Variants in NCKAP1L observed in about 807,000 individuals in gnomAD.
NCKAP1L encodes the protein nck-associated protein 1-like.
In NCKAP1L, 53 loss-of-function variants were observed where a neutral mutation model predicts 139.2. That is an observed-to-expected ratio of 0.38 (90% CI 0.31 to 0.48). NCKAP1L has a LOEUF of 0.48. NCKAP1L is among the 20% of genes least tolerant of loss of function. The pLI, the probability that NCKAP1L is intolerant of heterozygous loss-of-function variation, is 0.98. For missense variants in NCKAP1L, 1,151 were observed against 1,381.9 expected, an observed-to-expected ratio of 0.83 and a Z score of 2.65; for synonymous variants, 468 against 499.7, an observed-to-expected ratio of 0.94 and a Z score of 0.85.
rs1332991962 is a variant in NCKAP1L at position 54,511,809 on chromosome 12, T to C, written c.742T>C (p.Cys248Arg). ...TTTGCTTCTCTTCTCACAGATGGCC[T>C]GTGAGTATCTGTCTGTGGAAGTAAT... ...INPANSDTMA[C>R]EYLSVEVMER... Residue 248 changes from cysteine to arginine, a missense_variant, in exon 8 of 31, where the codon TGT becomes CGT. Cys to Arg is a radical substitution (Grantham distance 180, BLOSUM62 -3). Transcript: ENST00000293373. 3.1e-6 allele frequency: 5 copies of C among 1,614,146 alleles called. No individual in the cohort carries two copies. Among genetic ancestry groups the C allele is most frequent in the Non-Finnish European group, 4.2e-6 (5 of 1,179,990 alleles).
rs137902294 is a variant in NCKAP1L, at chr12:54,542,649, C to T, written c.3348C>T (p.Ala1116=). ...TCCCTTATGTCCTGCTTCGAAATGC[C>T]TATCGGGAGGTGTCTCGGGCCTTCC... The part of the protein sequence containing the change: ...SCFPYVLLRN[A]YREVSRAFHL... Residue 1116 remains alanine (A), a synonymous_variant, in exon 31 of 31, where the codon GCC becomes GCT. Coordinates refer to ENST00000293373, the MANE Select transcript of NCKAP1L (RefSeq NM_005337.5). 1.5e-5 allele frequency: 25 copies of T among 1,614,002 alleles called. No homozygotes were observed. In the African/African-American group the frequency reaches 3.2e-4, roughly 21 times the overall value.
At position 54,519,246 on chromosome 12, in the gene NCKAP1L, G is replaced by T. The variant is rs745715726; in HGVS notation, c.1539G>T (p.Lys513Asn). The change falls in exon 16 of 31, where the codon AAG becomes AAT. Residue 513 changes from lysine to asparagine, a missense_variant. Coordinates refer to ENST00000293373, the MANE Select transcript of NCKAP1L (RefSeq NM_005337.5). ...LHLHENPDLAKVMNLIVFHSR... is the reference protein window; with the variant it reads ...LHLHENPDLANVMNLIVFHSR... ...TGCATGAGAACCCTGACTTAGCCAA[G>T]GTGATGAACCTCATTGTCTTCCACT... The T allele has an allele frequency of 6.3e-7, 1 of 1,588,384 alleles. No homozygotes were observed. The highest frequency in any genetic ancestry group is 8.5e-7 in the Non-Finnish European group (1 of 1,173,084).
rs751422641 is a variant in NCKAP1L, at chr12:54,517,924, A to G, written c.1324A>G (p.Ser442Gly). The G allele has an allele frequency of 1.9e-6, 3 of 1,614,194 alleles. No homozygotes were observed. Among genetic ancestry groups the G allele is most frequent in the Admixed American group, 3.3e-5 (2 of 60,028 alleles). The part of the protein sequence containing the change: ...YLARFDALVL[S>G]DIIQNLSVCP... Reference sequence around the variant, plus strand: ...GGCAAGATTTGATGCTCTTGTGCTCAGTGACATCATTCAGGTATGATATTT... The same window carrying G: ...GGCAAGATTTGATGCTCTTGTGCTCGGTGACATCATTCAGGTATGATATTT... Residue 442 changes from serine (S) to glycine (G), a missense_variant, in exon 13 of 31, where the codon AGT (serine) becomes GGT (glycine). Transcript: ENST00000293373.
chr12:54,509,506 T>A (rs1241706896), intron 5 of NCKAP1L, among the ~76,000 whole-genome samples, 163 bp from the exon 6 acceptor site: 2 of 152,208 alleles, frequency 1.3e-5, no homozygotes, highest in African/African-American at 2.4e-5. Flanking sequence ...AACCTGATCC[T>A]GGAGTGGGGT....
At chr12:54,541,259 C>G (rs1478904353) in intron 30 of NCKAP1L, among the ~76,000 whole-genome samples, 1 of 152,180 alleles carries the variant, frequency 6.6e-6, no homozygotes, top group African/African-American at 2.4e-5. Flanking sequence ...AAGGTCTCCC[C>G]TAAAATATAT....
chr12:54,533,810 T>A (rs528487471), intron 26 of NCKAP1L, among the ~76,000 whole-genome samples: 1 of 152,364 alleles, frequency 6.6e-6, no homozygotes, highest in South Asian at 2.1e-4. Context: ...ACTCAAGTGA[T>A]CCGCCCACCT....
intron 23 of NCKAP1L, 32 bp downstream of exon 23, chr12:54,531,389 T>C (rs1255275546): frequency 6.2e-7 from 1 of 1,609,702 alleles, no homozygotes; most frequent in Non-Finnish European, 8.5e-7. Flanking sequence ...GGGGAAAAGA[T>C]CCTACCTTGA....
intron 17 of NCKAP1L, 75 bp from the exon 18 acceptor site, chr12:54,521,044 A>G: frequency 1.3e-6 from 2 of 1,598,586 alleles, no homozygotes; most frequent in Non-Finnish European, 1.7e-6. Flanking sequence ...CAGGCAAGGG[A>G]TGAGAGCAGT....
At chr12:54,509,614 A>T in intron 5 of NCKAP1L, 55 bp from the exon 6 acceptor site, 1 of 1,216,884 alleles carries the variant, frequency 8.2e-7, no homozygotes, top group Middle Eastern at 2.2e-4. Context: ...CAAACATAAG[A>T]GTTCAAGTCA....
rs1471051533 is a variant in NCKAP1L, at chr12:54,509,867, T to A, written c.617T>A (p.Leu206His). 1.9e-6 allele frequency: 3 copies of A among 1,614,112 alleles called. No homozygotes were observed. In the Admixed American group the frequency reaches 5.0e-5, roughly 27 times the overall value. ...PHTKAVSGAL[L>H]SLHFLFVRRN... ...CCACAGGCTGTGAGTGGAGCCCTCC[T>A]CTCTTTGCATTTCCTCTTTGTCCGA... is the stretch of plus-strand genomic sequence containing the variant. Residue 206 changes from leucine (L) to histidine (H), a missense_variant, in exon 7 of 31, where the codon CTC becomes CAC. By Grantham distance (99) the Leu-to-His change is moderately conservative. Coordinates refer to ENST00000293373, the MANE Select transcript of NCKAP1L (RefSeq NM_005337.5).
At chr12:54,517,018 G>A (rs762432108) in intron 11 of NCKAP1L, 26 bp downstream of exon 11, 1 of 1,587,116 alleles carries the variant, frequency 6.3e-7, no homozygotes. Context: ...GTTGGGAGGG[G>A]AATGATGGCC....
At chr12:54,502,513 A>T (rs1033121578) in intron 3 of NCKAP1L, among the ~76,000 whole-genome samples, 1 of 151,916 alleles carries the variant, frequency 6.6e-6, no homozygotes, top group Non-Finnish European at 1.5e-5. Context: ...ATCCTTCTCT[A>T]TTTTTTAATG....
rs1215880329 is a variant in NCKAP1L, at chr12:54,545,747, C to T, written c.*3062C>T. The T allele has an allele frequency of 2.0e-5, 3 of 152,256 alleles. No homozygotes were observed. Among genetic ancestry groups the T allele is most frequent in the Admixed American group, 2.0e-4 (3 of 15,288 alleles). 9.4% of individuals were successfully genotyped at this position (152,256 alleles called of 1,614,324 possible). ...ACAGGCACAGAATAGGTTCTAGCCTCAGCATTTTCATTAATGTAGTGTTTT... is the reference window on the plus strand; with the variant it reads ...ACAGGCACAGAATAGGTTCTAGCCTTAGCATTTTCATTAATGTAGTGTTTT... On this transcript the variant is annotated 3_prime_UTR_variant, in exon 31 of 31. Coordinates refer to ENST00000293373, the MANE Select transcript of NCKAP1L (RefSeq NM_005337.5).
intron 15 of NCKAP1L, 52 bp downstream of exon 15, chr12:54,519,024 A>G (rs1424525924): frequency 1.3e-6 from 2 of 1,572,922 alleles, no homozygotes; most frequent in African/African-American, 2.7e-5. Context: ...TTCCTCCCCC[A>G]CAATCCCTTC....
rs1459274402 is a variant in NCKAP1L at position 54,546,725 on chromosome 12, C to T, written c.*4040C>T. On this transcript the variant is annotated 3_prime_UTR_variant, in exon 31 of 31. Transcript: ENST00000293373. Reference sequence around the variant, plus strand: ...ATGAATCCCCCTTCAGCCCCCACACCTCAATGAGTTGTCAAGTACTCTCCC... The same window carrying T: ...ATGAATCCCCCTTCAGCCCCCACACTTCAATGAGTTGTCAAGTACTCTCCC... 6.6e-6 allele frequency: 1 copy of T among 152,256 alleles called. No homozygotes were observed. Among genetic ancestry groups the T allele is most frequent in the East Asian group, 1.9e-4 (1 of 5,190 alleles). 9.4% of individuals were successfully genotyped at this position (152,256 alleles called of 1,614,324 possible).
Position 54,507,846 on chromosome 12 carries a change from C to T in NCKAP1L, c.307-7C>T, listed in dbSNP as rs200447973. 6.2e-7 allele frequency: 1 copy of T among 1,612,866 alleles called. No individual in the cohort carries two copies. The highest frequency in any genetic ancestry group is 2.2e-5 in the East Asian group (1 of 44,866). ...TTATTAATTCTTGTCTTCACTTCCACCCCCAGGATCATGTATATGAACTTC... is the reference window on the plus strand; with the variant it reads ...TTATTAATTCTTGTCTTCACTTCCATCCCCAGGATCATGTATATGAACTTC... On this transcript the variant is annotated splice_region_variant and splice_polypyrimidine_tract_variant and intron_variant, in intron 3 of 30. Transcript: ENST00000293373.
chr12:54,523,187 T>C (rs182339436), intron 18 of NCKAP1L, among the ~76,000 whole-genome samples: 1 of 152,292 alleles, frequency 6.6e-6, no homozygotes, highest in African/African-American at 2.4e-5. Flanking sequence ...TTAGAGCCTG[T>C]ACACACAGAG....
chr12:54,499,290 C>T lies in NCKAP1L; in HGVS notation c.103-65C>T, dbSNP rs1956777348. 3 of 913,940 alleles carry T rather than the reference C, an allele frequency of 3.3e-6. No individual in the cohort carries two copies. The African/African-American group carries it at 5.0e-5, about 15-fold the overall frequency. The allele number at this position is 913,940 out of a possible 1,614,324, so 56.6% of individuals were successfully genotyped here. ...AGACAGATTATGAGAATGAATGTTGCAAGAAGAGGTATGTTTCTGAGGAGG... is the reference window on the plus strand; with the variant it reads ...AGACAGATTATGAGAATGAATGTTGTAAGAAGAGGTATGTTTCTGAGGAGG... On this transcript the variant is annotated intron_variant, in intron 1 of 30. Coordinates refer to ENST00000293373, the MANE Select transcript of NCKAP1L (RefSeq NM_005337.5).
In NCKAP1L at chr12:54,500,584, A is replaced by G. The variant is rs777423390; in HGVS notation, c.265A>G (p.Thr89Ala). Residue 89 changes from threonine (T) to alanine (A), a missense_variant, in exon 3 of 31, where the codon ACC (threonine) becomes GCC (alanine). By Grantham distance (58) the Thr-to-Ala change is moderately conservative. Coordinates refer to ENST00000293373, the MANE Select transcript of NCKAP1L (RefSeq NM_005337.5). ...REKAEIIRFL[T>A]NYYQSFVDVM... is the part of the protein sequence containing the mutation. The stretch of plus-strand genomic sequence containing the variant: ...AAAAGCCGAGATAATTAGATTCCTC[A>G]CCAACTACTACCAGTCATTTGTGGA... 11 of 1,613,538 alleles carry G rather than the reference A, an allele frequency of 6.8e-6. No individual in the cohort carries two copies. In the African/African-American group the frequency reaches 1.5e-4, roughly 22 times the overall value.
Sources: allele counts gnomAD v4.1 joint callset (sites outside exome capture counted in the v4.1 genomes callset), GRCh38; gene constraint gnomAD v4.1.1; transcripts MANE v1.5; gene names NCBI Gene and HGNC (gene_info 2026-07-23, HGNC 2026-07-21).